Variants in BMERB1 observed in about 807,000 individuals in gnomAD.
BMERB1 encodes bMERB domain containing 1, also known as bMERB domain-containing protein 1.
Under a neutral mutation model 23.6 loss-of-function variants are expected in BMERB1, and 12 were observed. The observed-to-expected ratio is 0.51, with a 90% CI of 0.33 to 0.82. The LOEUF (loss-of-function observed/expected upper bound fraction) is 0.82, where lower values mean the gene tolerates loss of function less well. Among genes scored for constraint, BMERB1 ranks in the 40% least tolerant of loss-of-function variants. The pLI is 0.03. For synonymous variants in BMERB1, 122 were observed against 96.6 expected (o/e 1.26, Z -1.54); for missense variants, 247 against 255.4 (o/e 0.97, Z 0.22).
chr16:15,492,125 A>G (rs1049196003), intron 1 of BMERB1, among the ~76,000 whole-genome samples: 3 of 152,208 alleles, frequency 2.0e-5, no homozygotes, highest in East Asian at 3.9e-4. Flanking sequence ...AAGGAATTCC[A>G]GAGAGAGTAA....
chr16:15,486,580 A>G (rs935583836), intron 1 of BMERB1, among the ~76,000 whole-genome samples: 1 of 152,208 alleles, frequency 6.6e-6, no homozygotes, highest in Non-Finnish European at 1.5e-5. Flanking sequence ...ATCCAATCAA[A>G]TATGGAGAGG....
At chr16:15,541,905 ATTTTTTT>A (rs35159147) in intron 2 of BMERB1, among the ~76,000 whole-genome samples, 1 of 110,046 alleles carries the variant, frequency 9.1e-6, no homozygotes, top group Non-Finnish European at 2.0e-5. Flanking sequence ...CCCGGCCTAA[ATTTTTTT>A]TTTTTTTTTT....
rs758518543 is a variant in BMERB1, at chr16:15,583,712, G to A, written c.502+474G>A. 5.9e-5 allele frequency among the ~76,000 whole-genome samples: 9 copies of A among 152,130 alleles called. No individual in the cohort carries two copies. In the South Asian group the frequency reaches 1.2e-3, roughly 21 times the overall value. On this transcript the variant is annotated intron_variant, in intron 5 of 5. Coordinates refer to ENST00000300006, the MANE Select transcript of BMERB1 (RefSeq NM_033201.3). ...TGACAGCAGGCAGGACCAGCCTCAC[G>A]GGCCTGCAGGCAGTTGCCTGGGGCC...
At chr16:15,529,678 G>C (rs1448532600) in intron 2 of BMERB1, among the ~76,000 whole-genome samples, 2 of 152,098 alleles carry the variant, frequency 1.3e-5, no homozygotes, top group Non-Finnish European at 1.5e-5. Context: ...AAGATTGATT[G>C]AATGAATTAA....
At chr16:15,526,986 A>G (rs1185951678) in intron 2 of BMERB1, among the ~76,000 whole-genome samples, 2 of 148,232 alleles carry the variant, frequency 1.3e-5, no homozygotes, top group Non-Finnish European at 3.0e-5. Flanking sequence ...TTATTATAGT[A>G]TATTTTATAT....
chr16:15,459,304 A>G (rs2051116022), intron 1 of BMERB1, among the ~76,000 whole-genome samples: 1 of 152,158 alleles, frequency 6.6e-6, no homozygotes, highest in South Asian at 2.1e-4. Context: ...AAATGGATTA[A>G]ATACTCCAAT....
At chr16:15,455,197 A>G (rs1279203506) in intron 1 of BMERB1, among the ~76,000 whole-genome samples, 2 of 149,908 alleles carry the variant, frequency 1.3e-5, no homozygotes, top group Non-Finnish European at 3.0e-5. Flanking sequence ...GGTGGCGTGC[A>G]CCTATAATCC....
rs774802043 is a variant in BMERB1, at chr16:15,434,743, G to A, written c.90G>A (p.Thr30=). ...CGGTGGAGGAGACGGCTTGGAAAAC[G>A]GAGAGACTGGGGAGAAGTGAGTACT... ...YGAVEETAWK[T]ERLGRNQLDI... The change falls in exon 1 of 6, where the codon ACG becomes ACA. Residue 30 remains threonine, a synonymous_variant. Coordinates refer to ENST00000300006, the MANE Select transcript of BMERB1 (RefSeq NM_033201.3). The A allele has an allele frequency of 3.4e-5, 48 of 1,415,788 alleles. No homozygotes were observed. The highest frequency in any genetic ancestry group is 3.6e-5 in the Admixed American group (2 of 55,762). 87.7% of individuals were successfully genotyped at this position (1,415,788 alleles called of 1,614,324 possible). A position where few individuals can be genotyped will look rare whatever the true frequency, so the allele number is the denominator to read the frequency against.
At chr16:15,479,926 G>C (rs2051304856) in intron 1 of BMERB1, among the ~76,000 whole-genome samples, 1 of 150,548 alleles carries the variant, frequency 6.6e-6, no homozygotes, top group South Asian at 2.1e-4. Flanking sequence ...ACTCGAGCTT[G>C]AGCAACAGAA....
chr16:15,503,474 A>G (rs1404976695), intron 1 of BMERB1, among the ~76,000 whole-genome samples: 1 of 118,996 alleles, frequency 8.4e-6, no homozygotes, highest in Non-Finnish European at 1.7e-5. Context: ...TTGTATTTGT[A>G]TTTGTAGTAG....
At chr16:15,505,078 G>A (rs1391564852) in intron 1 of BMERB1, among the ~76,000 whole-genome samples, 6 of 152,180 alleles carry the variant, frequency 3.9e-5, no homozygotes, top group Non-Finnish European at 8.8e-5. Context: ...AGTTCTCACT[G>A]AAGTTTGAAT....
At chr16:15,448,405 G>A (rs2051009908) in intron 1 of BMERB1, among the ~76,000 whole-genome samples, 1 of 152,176 alleles carries the variant, frequency 6.6e-6, no homozygotes, top group African/African-American at 2.4e-5. Context: ...ACCCATAGTA[G>A]TTATTATGTC....
At chr16:15,558,294 G>C (rs1179406692) in intron 2 of BMERB1, among the ~76,000 whole-genome samples, 1 of 152,146 alleles carries the variant, frequency 6.6e-6, no homozygotes, top group Non-Finnish European at 1.5e-5. Flanking sequence ...TCTCATACTT[G>C]CCTCCCTGAA....
chr16:15,579,723 T>A (rs557849220), intron 3 of BMERB1, among the ~76,000 whole-genome samples: 1 of 152,250 alleles, frequency 6.6e-6, no homozygotes, highest in South Asian at 2.1e-4. Flanking sequence ...GTTAGTGTCA[T>A]TGGCATGGAT....
intron 2 of BMERB1, among the ~76,000 whole-genome samples, chr16:15,563,673 AC>A (rs772347053): frequency 2.0e-5 from 3 of 152,206 alleles, no homozygotes; most frequent in Non-Finnish European, 4.4e-5. Context: ...GGGAAGTCTT[AC>A]GTGGCTGGAG....
At chr16:15,530,143 T>C (rs1371755840) in intron 2 of BMERB1, among the ~76,000 whole-genome samples, 2 of 152,236 alleles carry the variant, frequency 1.3e-5, no homozygotes, top group African/African-American at 4.8e-5. Flanking sequence ...CCTGTCGCCT[T>C]TGCTCTTCTG....
intron 2 of BMERB1, among the ~76,000 whole-genome samples, chr16:15,534,309 A>G (rs950436428): frequency 5.4e-5 from 8 of 149,406 alleles, no homozygotes; most frequent in South Asian, 2.1e-4. Context: ...AAAAAAAAAA[A>G]AAAAAAGAAA....
At chr16:15,585,213 G>T (rs1215618417) in intron 5 of BMERB1, among the ~76,000 whole-genome samples, 1 of 152,148 alleles carries the variant, frequency 6.6e-6, no homozygotes, top group Non-Finnish European at 1.5e-5. Context: ...TGAAAGGCAA[G>T]GTAGAAAAAC....
intron 1 of BMERB1, among the ~76,000 whole-genome samples, chr16:15,476,245 C>T (rs1382042880): frequency 6.7e-6 from 1 of 149,046 alleles, no homozygotes; most frequent in Non-Finnish European, 1.5e-5. Flanking sequence ...TTATTGCAGC[C>T]TCCGCCTCCC....
Sources: allele counts gnomAD v4.1 joint callset (sites outside exome capture counted in the v4.1 genomes callset), GRCh38; gene constraint gnomAD v4.1.1; transcripts MANE v1.5; gene names NCBI Gene and HGNC (gene_info 2026-07-23, HGNC 2026-07-21).